SHISAL2B: variants seen among roughly 807,000 people sequenced by gnomAD.
SHISAL2B encodes the protein protein shisa-like-2B.
In SHISAL2B, 12 loss-of-function variants were observed where a neutral mutation model predicts 16.5. That is an observed-to-expected ratio of 0.73 (90% CI 0.47 to 1.18). The LOEUF (loss-of-function observed/expected upper bound fraction) is 1.18. SHISAL2B is among the 50% of genes most tolerant of loss of function. SHISAL2B has a pLI of 0.00. For synonymous variants in SHISAL2B, 72 were observed against 75.0 expected (o/e 0.96, Z 0.21); for missense variants, 183 against 193.6 (o/e 0.95, Z 0.33).
chr5:64,701,368 T>A (rs1741807422), intron 2 of SHISAL2B, among the ~76,000 whole-genome samples: 1 of 152,196 alleles, frequency 6.6e-6, no homozygotes, highest in Admixed American at 6.5e-5. Context: ...TCCAATTTAT[T>A]TTTAAAATTA....
intron 2 of SHISAL2B, among the ~76,000 whole-genome samples, chr5:64,705,141 T>C (rs748949268): frequency 2.6e-5 from 4 of 152,178 alleles, no homozygotes; most frequent in Non-Finnish European, 5.9e-5. Context: ...GGCTGGGGAA[T>C]AAAGGTCTTT....
At chr5:64,709,109 C>G (rs147382712) in intron 2 of SHISAL2B, among the ~76,000 whole-genome samples, 2,302 of 148,118 alleles carry the variant, frequency 0.016, 33 homozygotes, top group Non-Finnish European at 0.024. Flanking sequence ...CATATGTATA[C>G]ATGTGCCATG....
chr5:64,692,650 T>G (rs2112053848), intron 1 of SHISAL2B, among the ~76,000 whole-genome samples: 1 of 152,316 alleles, frequency 6.6e-6, no homozygotes, highest in Admixed American at 6.5e-5. Flanking sequence ...CAGCTGTGGC[T>G]ATCACAAGGT....
At chr5:64,712,940 T>C (rs377072431) in intron 2 of SHISAL2B, among the ~76,000 whole-genome samples, 10 of 152,024 alleles carry the variant, frequency 6.6e-5, no homozygotes, top group African/African-American at 9.7e-5. Context: ...TGTCTCTGCA[T>C]GTGAGATGGG....
At chr5:64,714,725 T>C (rs572249942) in intron 2 of SHISAL2B, among the ~76,000 whole-genome samples, 1 of 152,106 alleles carries the variant, frequency 6.6e-6, no homozygotes, top group Non-Finnish European at 1.5e-5. Flanking sequence ...GAGCCAGGTG[T>C]GGGATATAGT....
intron 2 of SHISAL2B, 114 bp downstream of exon 2, chr5:64,695,778 A>T: frequency 2.7e-6 from 2 of 740,172 alleles, no homozygotes; most frequent in Non-Finnish European, 3.9e-6. Flanking sequence ...TCAGTTCACT[A>T]TGTGTCTCAC....
intron 2 of SHISAL2B, among the ~76,000 whole-genome samples, chr5:64,703,897 A>G (rs1337229617): frequency 1.3e-5 from 2 of 152,202 alleles, no homozygotes; most frequent in African/African-American, 2.4e-5. Context: ...GGAGAGGTCA[A>G]TAAGTTTTGC....
intron 2 of SHISAL2B, among the ~76,000 whole-genome samples, chr5:64,699,414 C>G (rs969490857): frequency 6.6e-6 from 1 of 152,076 alleles, no homozygotes; most frequent in Admixed American, 6.6e-5. Flanking sequence ...ATTGCTGTAC[C>G]CTTCGTTAAA....
At chr5:64,714,067 G>C (rs1376121422) in intron 2 of SHISAL2B, among the ~76,000 whole-genome samples, 3 of 149,546 alleles carry the variant, frequency 2.0e-5, no homozygotes, top group Non-Finnish European at 4.4e-5. Flanking sequence ...ATCCAGCTTT[G>C]TTCCATTGCT....
intron 1 of SHISAL2B, 57 bp downstream of exon 1, chr5:64,690,871 C>A: frequency 7.1e-7 from 1 of 1,406,562 alleles, no homozygotes; most frequent in Non-Finnish European, 9.4e-7. Flanking sequence ...AGGGAGGCGA[C>A]AAGCGGAGCC....
intron 2 of SHISAL2B, among the ~76,000 whole-genome samples, chr5:64,716,289 A>G (rs1316883713): frequency 6.6e-6 from 1 of 152,082 alleles, no homozygotes; most frequent in East Asian, 1.9e-4. Context: ...TTGGTTTTCA[A>G]TCTTGTCTTT....
chr5:64,707,606 C>A (rs1029936944), intron 2 of SHISAL2B, among the ~76,000 whole-genome samples: 1 of 152,116 alleles, frequency 6.6e-6, no homozygotes, highest in Non-Finnish European at 1.5e-5. Flanking sequence ...AACTATATTG[C>A]CATAAGTTAA....
rs752580155 is a variant in SHISAL2B, at chr5:64,718,147, A to C, written c.*125A>C. 23 of 690,992 alleles carry C rather than the reference A, an allele frequency of 3.3e-5. No homozygotes were observed. Among genetic ancestry groups the C allele is most frequent in the Non-Finnish European group, 4.8e-5 (22 of 462,590 alleles). The allele number at this position is 690,992 out of a possible 1,614,324, so 42.8% of individuals were successfully genotyped here. A position where few individuals can be genotyped will look rare whatever the true frequency, so the allele number is the denominator to read the frequency against. On this transcript the variant is annotated 3_prime_UTR_variant, in exon 3 of 3. Transcript: ENST00000389074. Reference sequence around the variant, plus strand: ...CACTCACAAAGCAAGACACAGCTGCATTTTTGATCATTCAGTTACTTTATT... The same window carrying C: ...CACTCACAAAGCAAGACACAGCTGCCTTTTTGATCATTCAGTTACTTTATT...
intron 2 of SHISAL2B, among the ~76,000 whole-genome samples, chr5:64,711,296 CAT>C (rs1421311807): frequency 1.4e-5 from 2 of 147,518 alleles, no homozygotes; most frequent in African/African-American, 2.7e-5. Context: ...TTGAGATAAT[CAT>C]GTGGTTTTTG....
At position 64,717,962 on chromosome 5, in the gene SHISAL2B, A is replaced by C. The variant is rs1742082429; in HGVS notation, c.423A>C (p.Glu141Asp). 6.6e-7 allele frequency: 1 copy of C among 1,523,108 alleles called. No homozygotes were observed. The highest frequency in any genetic ancestry group is 8.7e-7 in the Non-Finnish European group (1 of 1,143,902). The allele number at this position is 1,523,108 out of a possible 1,614,324, so 94.3% of individuals were successfully genotyped here. A position where few individuals can be genotyped will look rare whatever the true frequency, so the allele number is the denominator to read the frequency against. Reference sequence around the variant, plus strand: ...ATGCAACAAATGAAACATACTATGAAGCTGATGATATAATTCAAGAAAAAA... The same window carrying C: ...ATGCAACAAATGAAACATACTATGACGCTGATGATATAATTCAAGAAAAAA... ...ASNATNETYY[E>D]ADDIIQEKTM... is the part of the protein sequence containing the mutation. The change falls in exon 3 of 3, where the codon GAA (glutamate) becomes GAC (aspartate). Residue 141 changes from glutamate (E) to aspartate (D), a missense_variant. Transcript: ENST00000389074.
In SHISAL2B at chr5:64,690,597, G is replaced by C. The variant is rs1361728930; in HGVS notation, c.-27G>C. The C allele has an allele frequency of 6.9e-7, 1 of 1,442,166 alleles. No homozygotes were observed. Among genetic ancestry groups the C allele is most frequent in the Non-Finnish European group, 9.1e-7 (1 of 1,094,782 alleles). The allele number at this position is 1,442,166 out of a possible 1,614,324, so 89.3% of individuals were successfully genotyped here. On this transcript the variant is annotated 5_prime_UTR_variant, in exon 1 of 3. Coordinates refer to ENST00000389074, the MANE Select transcript of SHISAL2B (RefSeq NM_001164442.2). ...GATCCGAGAGCAGACCGGGGCCCTC[G>C]CGAGCCTCTCCCGGCCCCTGCCCGC...
At chr5:64,715,016 T>C (rs898113737) in intron 2 of SHISAL2B, among the ~76,000 whole-genome samples, 3 of 152,160 alleles carry the variant, frequency 2.0e-5, no homozygotes, top group Non-Finnish European at 4.4e-5. Context: ...TCGCTCACGC[T>C]GGGAGCTGTA....
At chr5:64,708,205 A>C (rs1302602826) in intron 2 of SHISAL2B, among the ~76,000 whole-genome samples, 1 of 152,158 alleles carries the variant, frequency 6.6e-6, no homozygotes, top group Non-Finnish European at 1.5e-5. Flanking sequence ...AGAATACCAA[A>C]CACCATTTCA....
Position 64,690,714 on chromosome 5 carries a change from G to A in SHISAL2B, c.91G>A (p.Ala31Thr). 1.3e-6 allele frequency: 2 copies of A among 1,535,996 alleles called. No individual in the cohort carries two copies. The highest frequency in any genetic ancestry group is 1.7e-6 in the Non-Finnish European group (2 of 1,146,716). The stretch of plus-strand genomic sequence containing the variant: ...CCAGTGCCCCCGGCGCGGCGAGGGG[G>A]CAGCGCTCCAGTATTGCTGCGGCTT... ...PFQCPRRGEG[A>T]ALQYCCGFAD... The change falls in exon 1 of 3, where the codon GCA becomes ACA. Residue 31 changes from alanine (A) to threonine (T), a missense_variant. Ala to Thr is a moderately conservative substitution (Grantham distance 58). Transcript: ENST00000389074.
Sources: gnomAD v4.1 joint callset for allele counts (sites outside exome capture counted in the v4.1 genomes callset) on GRCh38, gnomAD v4.1.1 for gene constraint, MANE v1.5 for transcripts, NCBI Gene and HGNC (gene_info 2026-07-23, HGNC 2026-07-21) for gene names.